WHAMM: variants seen among roughly 807,000 people sequenced by gnomAD.
WHAMM encodes WASP homolog associated with actin, golgi membranes and microtubules.
WHAMM carries 67 observed loss-of-function variants against 76.5 expected under a neutral mutation model. That is an observed-to-expected ratio of 0.88 (90% CI 0.72 to 1.07). The LOEUF is 1.07. Ranked by LOEUF, WHAMM falls within the 50% of genes least tolerant of loss-of-function variation. WHAMM has a pLI of 0.00. For synonymous variants in WHAMM, 419 were observed against 422.1 expected, an observed-to-expected ratio of 0.99 and a Z score of 0.09; for missense variants, 1,021 against 1,051.1, an observed-to-expected ratio of 0.97 and a Z score of 0.40.
rs1275790589 is a variant in WHAMM, at chr15:82,835,449, A to T, written c.*1913A>T. 2.0e-5 allele frequency: 3 copies of T among 152,422 alleles called. No homozygotes were observed. The East Asian group carries it at 5.8e-4, about 29-fold the overall frequency. The allele number at this position is 152,422 out of a possible 1,614,324, so 9.4% of individuals were successfully genotyped here. A position where few individuals can be genotyped will look rare whatever the true frequency, so the allele number is the denominator to read the frequency against. Reference sequence around the variant, plus strand: ...TTCCAGTGTCTTAACTAACTGGTACACAGCAGCCTGAGGGGCCTCAGTTGG... The same window carrying T: ...TTCCAGTGTCTTAACTAACTGGTACTCAGCAGCCTGAGGGGCCTCAGTTGG... On this transcript the variant is annotated 3_prime_UTR_variant, in exon 10 of 10. Transcript: ENST00000286760.
intron 8 of WHAMM, among the ~76,000 whole-genome samples, chr15:82,829,218 C>A (rs1377609763): frequency 6.6e-6 from 1 of 152,186 alleles, no homozygotes; most frequent in Non-Finnish European, 1.5e-5. Flanking sequence ...CGCCTGTAAT[C>A]CCAGCACTTC....
chr15:82,815,729 ACTGTGTGTCT>A (rs1305050934), intron 2 of WHAMM, among the ~76,000 whole-genome samples: 7 of 152,136 alleles, frequency 4.6e-5, no homozygotes, highest in African/African-American at 1.7e-4. Context: ...AGCACTTGTT[ACTGTGTGTCT>A]CTTTGGTTAC....
At position 82,809,756 on chromosome 15, in the gene WHAMM, G is replaced by C; in HGVS notation, c.30G>C (p.Glu10Asp). 1.3e-6 allele frequency: 2 copies of C among 1,572,480 alleles called. No individual in the cohort carries two copies. Reference sequence around the variant, plus strand: ...AGGACGAGCAGCCTGACAGCCTGGAGGGCTGGGTGCCGGTCCGGGAGGGCC... The same window carrying C: ...AGGACGAGCAGCCTGACAGCCTGGACGGCTGGGTGCCGGTCCGGGAGGGCC... MEDEQPDSL[E>D]GWVPVREGLF... Residue 10 changes from glutamate (E) to aspartate (D), a missense_variant, in exon 1 of 10, where the codon GAG (glutamate) becomes GAC (aspartate). Around this residue, in one of 3 missense-constraint regions of WHAMM, gnomAD observed 501 missense variants for 524.9 expected, o/e 0.95. Transcript: ENST00000286760.
In WHAMM at chr15:82,810,304, G is replaced by T; in HGVS notation, c.578G>T (p.Arg193Leu). 1.0e-5 allele frequency: 14 copies of T among 1,333,426 alleles called. No individual in the cohort carries two copies. The highest frequency in any genetic ancestry group is 1.3e-5 in the Non-Finnish European group (14 of 1,048,460). The allele number at this position is 1,333,426 out of a possible 1,614,324, so 82.6% of individuals were successfully genotyped here. Residue 193 changes from arginine to leucine, a missense_variant, in exon 1 of 10, where the codon CGG (arginine) becomes CTG (leucine). Transcript: ENST00000286760. ...TTCCGGGAGCGGGCCTTGCGCGCGC[G>T]GTGGGTCGAGGCGGACGCGCGGCTG... Reference protein sequence around the residue: ...REFRERALRARWVEADARLRQ... With the variant: ...REFRERALRALWVEADARLRQ...
Position 82,819,353 on chromosome 15 carries a change from AC to A in WHAMM, c.1136del (p.Thr379LysfsTer4). 1 of 1,138,570 alleles carries A rather than the reference AC, an allele frequency of 8.8e-7. No individual in the cohort carries two copies. The highest frequency in any genetic ancestry group is 3.8e-5 in the Admixed American group (1 of 26,412). 70.5% of individuals were successfully genotyped at this position (1,138,570 alleles called of 1,614,324 possible). On this transcript the variant is annotated frameshift_variant, in exon 5 of 10. Transcript: ENST00000286760. LOFTEE classifies it high-confidence loss of function. ...AGATCTTCCAGAACAAGAAAAAAAT[AC>A]AAATGTTGTAGATGAATTAGAAATA... ...MEDLPEQEKN[T>X]NVVDELEIQF... is the part of the protein sequence containing the mutation.
At position 82,826,399 on chromosome 15, in the gene WHAMM, TA is replaced by T; in HGVS notation, c.1459-10del. 3 of 1,613,880 alleles carry T rather than the reference TA, an allele frequency of 1.9e-6. 1 individual carries two copies. In the South Asian group the frequency reaches 3.3e-5, roughly 18 times the overall value. On this transcript the variant is annotated splice_polypyrimidine_tract_variant and intron_variant, in intron 6 of 9. Transcript: ENST00000286760. Reference sequence around the variant, plus strand: ...TAAAAACCATGTAGGTGATTTGTATTATTCCACCAGGATCAGTGCAAAGAAA... The same window carrying T: ...TAAAAACCATGTAGGTGATTTGTATTTTCCACCAGGATCAGTGCAAAGAAA...
intron 8 of WHAMM, among the ~76,000 whole-genome samples, chr15:82,829,038 A>G (rs1423444091): frequency 6.6e-6 from 1 of 152,242 alleles, no homozygotes; most frequent in Non-Finnish European, 1.5e-5. Context: ...GGGAGGAAGT[A>G]GGAGAGGGAG....
At chr15:82,817,452 G>A (rs568725044) in intron 3 of WHAMM, among the ~76,000 whole-genome samples, 8 of 152,264 alleles carry the variant, frequency 5.3e-5, no homozygotes, top group South Asian at 4.2e-4. Context: ...ACAACTTAAC[G>A]TCTGTCAGTT....
Position 82,830,880 on chromosome 15 carries a change from T to A in WHAMM, c.1923T>A (p.Pro641=), listed in dbSNP as rs575707604. The part of the protein sequence containing the change: ...KSSEELSLPP[P]PPPPPPPPPP... ...GTGAGGAATTGTCACTGCCACCACCTCCTCCTCCTCCACCACCACCACCGC... is the reference window on the plus strand; with the variant it reads ...GTGAGGAATTGTCACTGCCACCACCACCTCCTCCTCCACCACCACCACCGC... The change falls in exon 9 of 10, where the codon CCT becomes CCA. Residue 641 remains proline (P), a synonymous_variant. Coordinates refer to ENST00000286760, the MANE Select transcript of WHAMM (RefSeq NM_001080435.3). 4.5e-5 allele frequency: 71 copies of A among 1,573,554 alleles called. No individual in the cohort carries two copies. The highest frequency in any genetic ancestry group is 1.7e-4 in the Middle Eastern group (1 of 5,994).
chr15:82,832,677 G>A (rs1010287385), intron 9 of WHAMM, among the ~76,000 whole-genome samples: 4 of 152,148 alleles, frequency 2.6e-5, no homozygotes, highest in African/African-American at 9.7e-5. Flanking sequence ...TTGAGTTGCC[G>A]GTTAAAGTTT....
Position 82,833,386 on chromosome 15 carries a change from T to C in WHAMM, c.2280T>C (p.Leu760=), listed in dbSNP as rs777208014. The change falls in exon 10 of 10, where the codon CTT becomes CTC. Residue 760 remains leucine (L), a synonymous_variant. Coordinates refer to ENST00000286760, the MANE Select transcript of WHAMM (RefSeq NM_001080435.3). ...AACTGAAGAAAGTTCACCCTGATCT[T>C]GGCCCAAACCCCAGCAGCAAACCAA... The part of the protein sequence containing the change: ...GVKLKKVHPD[L]GPNPSSKPTS... 1 of 1,614,036 alleles carries C rather than the reference T, an allele frequency of 6.2e-7. No individual in the cohort carries two copies. The highest frequency in any genetic ancestry group is 2.2e-5 in the East Asian group (1 of 44,884).
chr15:82,827,771 CCT>C (rs1384832533), intron 8 of WHAMM, among the ~76,000 whole-genome samples: 1 of 152,044 alleles, frequency 6.6e-6, no homozygotes, highest in Non-Finnish European at 1.5e-5. Context: ...ATGGTGAAAC[CCT>C]GTCTCTACTA....
intron 6 of WHAMM, 168 bp from the exon 7 acceptor site, chr15:82,826,242 A>G: frequency 3.3e-6 from 2 of 602,244 alleles, no homozygotes; most frequent in South Asian, 4.2e-5. Flanking sequence ...CAGCCAGGCA[A>G]CCCTCATCAT....
intron 6 of WHAMM, among the ~76,000 whole-genome samples, chr15:82,823,884 A>G (rs1262374363): frequency 1.3e-5 from 2 of 152,116 alleles, no homozygotes; most frequent in African/African-American, 2.4e-5. Context: ...TTTAAAAACC[A>G]CAATAGGTAG....
chr15:82,821,194 A>G (rs967121548), intron 5 of WHAMM, among the ~76,000 whole-genome samples: 5 of 152,196 alleles, frequency 3.3e-5, no homozygotes, highest in African/African-American at 1.2e-4. Flanking sequence ...ATATGTTGCA[A>G]ATAATCTCTC....
At chr15:82,827,204 T>G (rs986886662) in intron 8 of WHAMM, among the ~76,000 whole-genome samples, 3 of 152,204 alleles carry the variant, frequency 2.0e-5, no homozygotes, top group Admixed American at 6.5e-5. Flanking sequence ...AATAAACAAT[T>G]CTTTAAAATG....
At chr15:82,821,673 C>G (rs2050831241) in intron 5 of WHAMM, among the ~76,000 whole-genome samples, 1 of 152,178 alleles carries the variant, frequency 6.6e-6, no homozygotes, top group Admixed American at 6.5e-5. Flanking sequence ...TACTTCTCCA[C>G]AAGTTTTCTG....
chr15:82,817,824 C>A (rs1412010528), intron 3 of WHAMM, 96 bp from the exon 4 acceptor site: 3 of 945,468 alleles, frequency 3.2e-6, no homozygotes, highest in Non-Finnish European at 4.3e-6. Flanking sequence ...GGATATTCTG[C>A]AGGTAGTATG....
chr15:82,832,456 A>G (rs1418885510), intron 9 of WHAMM, among the ~76,000 whole-genome samples: 2 of 152,128 alleles, frequency 1.3e-5, no homozygotes, highest in Non-Finnish European at 1.5e-5. Context: ...GCAGGCGATA[A>G]AAGATTTTTA....
Sources: gnomAD v4.1 joint callset for allele counts (sites outside exome capture counted in the v4.1 genomes callset) on GRCh38, gnomAD v4.1.1 for gene constraint, gnomAD v4.1.1 regional missense constraint, MANE v1.5 for transcripts, NCBI Gene and HGNC (gene_info 2026-07-23, HGNC 2026-07-21) for gene names.